CTTN: variants seen among roughly 807,000 people sequenced by gnomAD.
The protein encoded by CTTN is cortactin.
Under a neutral mutation model 84.0 loss-of-function variants are expected in CTTN, and 28 were observed. The ratio of observed to expected loss-of-function variants is 0.33; its 90% CI spans 0.25 to 0.46. The LOEUF (loss-of-function observed/expected upper bound fraction) is 0.46, where lower values mean the gene tolerates loss of function less well. Among genes scored for constraint, CTTN ranks in the 20% least tolerant of loss-of-function variants. The pLI is 1.00. For missense variants in CTTN, 641 were observed against 723.8 expected (o/e 0.89, Z 1.31); for synonymous variants, 301 against 288.8 (o/e 1.04, Z -0.43).
In CTTN at chr11:70,414,371, C is replaced by T. The variant is rs139554697; in HGVS notation, c.292-171C>T. Among the ~76,000 whole-genome samples, 1,432 of 151,638 alleles carry T rather than the reference C, an allele frequency of 9.4e-3. 16 individuals are homozygous for T. Among genetic ancestry groups the T allele is most frequent in the Non-Finnish European group, 0.013 (858 of 67,860 alleles). On this transcript the variant is annotated intron_variant, in intron 5 of 17. Coordinates refer to ENST00000301843, the MANE Select transcript of CTTN (RefSeq NM_005231.4). Reference sequence around the variant, plus strand: ...AAAAAAAAAAAGCCTGCACCAAGGACCCGGGCCTCCCAGGAGTCGTGTCGC... The same window carrying T: ...AAAAAAAAAAAGCCTGCACCAAGGATCCGGGCCTCCCAGGAGTCGTGTCGC...
chr11:70,423,856 G>T (rs551953597), intron 12 of CTTN, among the ~76,000 whole-genome samples: 1 of 152,196 alleles, frequency 6.6e-6, no homozygotes, highest in African/African-American at 2.4e-5. Context: ...AGGAACACTG[G>T]GGGGGTCTAC....
intron 15 of CTTN, among the ~76,000 whole-genome samples, chr11:70,431,798 G>GT (rs1215512601): frequency 1.3e-5 from 2 of 151,998 alleles, no homozygotes; most frequent in African/African-American, 4.8e-5. Context: ...CCTCTCATGG[G>GT]TCCCCCAGTG....
chr11:70,415,740 A>G (rs1356114842), intron 7 of CTTN, 23 bp downstream of exon 7: 1 of 1,613,690 alleles, frequency 6.2e-7, no homozygotes, highest in South Asian at 1.1e-5. Flanking sequence ...AGGTGCAGAA[A>G]GAGCCCGCTC....
chr11:70,424,940 G>T (rs1283134195), intron 12 of CTTN, among the ~76,000 whole-genome samples: 1 of 152,118 alleles, frequency 6.6e-6, no homozygotes, highest in African/African-American at 2.4e-5. Flanking sequence ...AGAAAGGTGT[G>T]ATTGCACCAC....
intron 14 of CTTN, among the ~76,000 whole-genome samples, chr11:70,430,090 G>A (rs141157799): frequency 9.5e-4 from 145 of 152,330 alleles, no homozygotes; most frequent in African/African-American, 3.3e-3. Flanking sequence ...GCCAGGAACC[G>A]TGCTAGGGTC....
intron 12 of CTTN, among the ~76,000 whole-genome samples, chr11:70,424,078 G>A (rs1246059293): frequency 2.6e-5 from 4 of 152,194 alleles, no homozygotes; most frequent in South Asian, 2.1e-4. Flanking sequence ...AGGAGCAGAT[G>A]TGGGTGTCAG....
At chr11:70,425,543 A>G (rs923141965) in intron 13 of CTTN, 142 bp downstream of exon 13, 1 of 661,146 alleles carries the variant, frequency 1.5e-6, no homozygotes, top group Non-Finnish European at 2.7e-6. Flanking sequence ...AAAGAAAATG[A>G]TCGTTCTGAT....
intron 8 of CTTN, 27 bp downstream of exon 8, chr11:70,417,150 C>A: frequency 6.4e-7 from 1 of 1,565,330 alleles, no homozygotes; most frequent in Non-Finnish European, 8.8e-7. Flanking sequence ...GGTCTGTAAT[C>A]ACGCGTTTGC....
At chr11:70,434,886 G>A (rs3802780) in intron 17 of CTTN, 140 bp from the exon 18 acceptor site, 177,311 of 846,160 alleles carry the variant, frequency 0.21, 20,437 homozygotes, top group South Asian at 0.29. Flanking sequence ...GAGGCAGCAG[G>A]AGCCTCCGCG....
chr11:70,418,412 G>C (rs1264038900), intron 8 of CTTN, among the ~76,000 whole-genome samples: 1 of 152,264 alleles, frequency 6.6e-6, no homozygotes, highest in Non-Finnish European at 1.5e-5. Context: ...TGTGACTCCA[G>C]GGAGCCAGGG....
intron 1 of CTTN, 46 bp from the exon 2 acceptor site, chr11:70,405,219 C>T (rs895426676): frequency 6.6e-6 from 1 of 152,206 alleles, no homozygotes. Context: ...CAGGGAGCTG[C>T]TCAACATACA....
Position 70,419,797 on chromosome 11 carries a change from A to G in CTTN, c.620A>G (p.Asp207Gly). The G allele has an allele frequency of 1.2e-6, 2 of 1,613,024 alleles. No individual in the cohort carries two copies. Among genetic ancestry groups the G allele is most frequent in the Non-Finnish European group, 1.7e-6 (2 of 1,179,820 alleles). ...GKYGIDKDKV[D>G]KSAVGFEYQG... Reference sequence around the variant, plus strand: ...TACGGTATCGACAAGGACAAAGTGGATAAGAGCGCCGTTGGCTTTGAGTAT... The same window carrying G: ...TACGGTATCGACAAGGACAAAGTGGGTAAGAGCGCCGTTGGCTTTGAGTAT... The change falls in exon 9 of 18, where the codon GAT becomes GGT. Residue 207 changes from aspartate to glycine, a missense_variant. By Grantham distance (94) the Asp-to-Gly change is moderately conservative. Coordinates refer to ENST00000301843, the MANE Select transcript of CTTN (RefSeq NM_005231.4).
In CTTN at chr11:70,428,954, G is replaced by A. The variant is rs1236428939; in HGVS notation, c.1028-97G>A. On this transcript the variant is annotated intron_variant, in intron 13 of 17. Coordinates refer to ENST00000301843, the MANE Select transcript of CTTN (RefSeq NM_005231.4). ...CTCCTTGGGGGTTAGGGGGATGACC[G>A]GTTCCTGGGGAGGTCACTCTGTGTG... 4.2e-6 allele frequency: 6 copies of A among 1,440,106 alleles called. No homozygotes were observed. In the Admixed American group the frequency reaches 7.0e-5, roughly 17 times the overall value. 89.2% of individuals were successfully genotyped at this position (1,440,106 alleles called of 1,614,324 possible). A position where few individuals can be genotyped will look rare whatever the true frequency, so the allele number is the denominator to read the frequency against.
chr11:70,407,312 A>G lies in CTTN; in HGVS notation c.15A>G (p.Ser5=). Reference sequence around the variant, plus strand: ...TGCTCTTTCAGATGTGGAAAGCTTCAGCAGGCCACGCTGTGTCCATCGCCC... The same window carrying G: ...TGCTCTTTCAGATGTGGAAAGCTTCGGCAGGCCACGCTGTGTCCATCGCCC... The part of the protein sequence containing the change: MWKA[S]AGHAVSIAQD... The change falls in exon 3 of 18, where the codon TCA becomes TCG. Residue 5 remains serine, a synonymous_variant. Transcript: ENST00000301843. 1 of 1,551,756 alleles carries G rather than the reference A, an allele frequency of 6.4e-7. No individual in the cohort carries two copies. The highest frequency in any genetic ancestry group is 1.2e-5 in the South Asian group (1 of 84,312).
intron 2 of CTTN, among the ~76,000 whole-genome samples, chr11:70,406,016 AAGATGG>A (rs1223580381): frequency 1.3e-5 from 2 of 152,234 alleles, no homozygotes; most frequent in African/African-American, 4.8e-5. Context: ...GCGTTGGGAC[AAGATGG>A]ACTGGTTGTG....
intron 14 of CTTN, 54 bp downstream of exon 14, chr11:70,429,253 G>A: frequency 6.4e-7 from 1 of 1,569,810 alleles, no homozygotes; most frequent in Non-Finnish European, 8.7e-7. Context: ...TGTGCCGAGG[G>A]GATTGGGAGC....
intron 8 of CTTN, among the ~76,000 whole-genome samples, chr11:70,418,335 T>G (rs1011702775): frequency 3.9e-5 from 6 of 152,354 alleles, no homozygotes; most frequent in African/African-American, 1.4e-4. Flanking sequence ...CTGGGAACAG[T>G]CCATTCCTCC....
chr11:70,420,609 A>G lies in CTTN; in HGVS notation c.790+99A>G, dbSNP rs893237269. ...TGTTGTGTCTGCGTGTGCCTGCTGCACATTGTTTTGTCTTCACTGTTTGAA... is the reference window on the plus strand; with the variant it reads ...TGTTGTGTCTGCGTGTGCCTGCTGCGCATTGTTTTGTCTTCACTGTTTGAA... On this transcript the variant is annotated intron_variant, in intron 10 of 17. Coordinates refer to ENST00000301843, the MANE Select transcript of CTTN (RefSeq NM_005231.4). 16 of 855,840 alleles carry G rather than the reference A, an allele frequency of 1.9e-5. No individual in the cohort carries two copies. The African/African-American group carries it at 2.5e-4, about 13-fold the overall frequency. The allele number at this position is 855,840 out of a possible 1,614,324, so 53.0% of individuals were successfully genotyped here.
Position 70,419,098 on chromosome 11 carries a change from A to AT in CTTN, c.569-648_569-647insT, listed in dbSNP as rs1382883303. Among the ~76,000 whole-genome samples the AT allele has an allele frequency of 4.2e-5, 6 of 142,030 alleles. No homozygotes were observed. The Admixed American group carries it at 4.2e-4, about 10-fold the overall frequency. 93.2% of individuals were successfully genotyped at this position (142,030 alleles called of 152,430 possible). A position where few individuals can be genotyped will look rare whatever the true frequency, so the allele number is the denominator to read the frequency against. Reference sequence around the variant, plus strand: ...CCTCTGCTGTACTTTAAAAAAAAAAACTTTTTTTCTTAATTCTTTTTTTTT... The same window carrying AT: ...CCTCTGCTGTACTTTAAAAAAAAAAATCTTTTTTTCTTAATTCTTTTTTTTT... On this transcript the variant is annotated intron_variant, in intron 8 of 17. Coordinates refer to ENST00000301843, the MANE Select transcript of CTTN (RefSeq NM_005231.4).
Sources: allele counts gnomAD v4.1 joint callset (sites outside exome capture counted in the v4.1 genomes callset), GRCh38; gene constraint gnomAD v4.1.1; transcripts MANE v1.5; gene names NCBI Gene and HGNC (gene_info 2026-07-23, HGNC 2026-07-21).